Variants in MRPL3 observed in about 807,000 individuals in gnomAD.
The protein encoded by MRPL3 is large ribosomal subunit protein uL3m.
In MRPL3, 43 loss-of-function variants were observed where a neutral mutation model predicts 44.3. That is an observed-to-expected ratio of 0.97 (90% CI 0.76 to 1.25). MRPL3 has a LOEUF of 1.25. Ranked by LOEUF, MRPL3 falls within the 50% of genes most tolerant of loss-of-function variation. MRPL3 has a pLI of 0.00. For synonymous variants in MRPL3, 171 were observed against 152.3 expected (o/e 1.12, Z -0.91); for missense variants, 406 against 427.6 (o/e 0.95, Z 0.45).
At chr3:131,488,028 T>A (rs983786873) in intron 5 of MRPL3, among the ~76,000 whole-genome samples, 5 of 152,220 alleles carry the variant, frequency 3.3e-5, no homozygotes, top group Non-Finnish European at 7.4e-5. Flanking sequence ...TTTTAGTGAA[T>A]AACAGTATAC....
Position 131,462,962 on chromosome 3 carries a change from C to T in MRPL3, c.895-87G>A, listed in dbSNP as rs372814527. ...TATTATTCATAATCAAAGAAATACT[C>T]GCTACTACATTTTCTAATGTGAATA... On this transcript the variant is annotated intron_variant, in intron 9 of 9. Transcript: ENST00000264995. 15 of 1,112,960 alleles carry T rather than the reference C, an allele frequency of 1.3e-5. No homozygotes were observed. The African/African-American group carries it at 1.6e-4, about 12-fold the overall frequency. 68.9% of individuals were successfully genotyped at this position (1,112,960 alleles called of 1,614,324 possible). A position where few individuals can be genotyped will look rare whatever the true frequency, so the allele number is the denominator to read the frequency against.
chr3:131,487,517 C>T (rs1005687216), intron 6 of MRPL3, 163 bp downstream of exon 6: 5 of 610,854 alleles, frequency 8.2e-6, no homozygotes, highest in Non-Finnish European at 1.4e-5. Flanking sequence ...TAATTTGGCA[C>T]AATTTAAAAA....
At chr3:131,498,029 T>C in intron 4 of MRPL3, 150 bp downstream of exon 4, 1 of 651,486 alleles carries the variant, frequency 1.5e-6, no homozygotes, top group Non-Finnish European at 2.7e-6. Context: ...CTGGGCAAAA[T>C]GGCTGTGCCA....
chr3:131,487,503 C>T (rs976374372), intron 6 of MRPL3, 177 bp downstream of exon 6: 2 of 583,684 alleles, frequency 3.4e-6, no homozygotes, highest in Non-Finnish European at 6.0e-6. Flanking sequence ...CCTTTACATA[C>T]AATTAATTTG....
At chr3:131,491,531 TCC>T (rs1213439065) in intron 4 of MRPL3, among the ~76,000 whole-genome samples, 1 of 152,094 alleles carries the variant, frequency 6.6e-6, no homozygotes, top group African/African-American at 2.4e-5. Context: ...TGAACTCAAC[TCC>T]CTTCACCAAG....
intron 6 of MRPL3, among the ~76,000 whole-genome samples, chr3:131,476,041 T>C (rs1288453761): frequency 1.3e-5 from 2 of 152,196 alleles, no homozygotes; most frequent in Admixed American, 6.5e-5. Context: ...AAAGAGAGCA[T>C]GAGTGCATGC....
chr3:131,502,809 T>G lies in MRPL3; in HGVS notation c.13A>C (p.Arg5=). The G allele has an allele frequency of 6.2e-7, 1 of 1,612,234 alleles. No individual in the cohort carries two copies. Among genetic ancestry groups the G allele is most frequent in the Non-Finnish European group, 8.5e-7 (1 of 1,179,400 alleles). MPGW[R]LLTQVGAQVL... is the part of the protein sequence containing the mutation. ...TGGGCGCCGACCTGCGTCAGCAGCC[T>G]CCAACCCGGCATGGATTAGCCCGGG... Residue 5 remains arginine, a synonymous_variant, in exon 1 of 10, where the codon AGG becomes CGG. Transcript: ENST00000264995.
At chr3:131,497,393 G>C (rs920715491) in intron 4 of MRPL3, among the ~76,000 whole-genome samples, 1 of 152,154 alleles carries the variant, frequency 6.6e-6, no homozygotes, top group Admixed American at 6.5e-5. Context: ...TAGTTAGTAG[G>C]ATAAACACCT....
intron 5 of MRPL3, among the ~76,000 whole-genome samples, chr3:131,489,006 TTTGAGCTACA>T (rs577164055): frequency 3.7e-4 from 57 of 152,178 alleles, no homozygotes; most frequent in African/African-American, 1.3e-3. Flanking sequence ...TTTTGTATGA[TTTGAGCTACA>T]GCAAAAGTTA....
At chr3:131,496,338 G>A (rs1934370520) in intron 4 of MRPL3, among the ~76,000 whole-genome samples, 1 of 152,062 alleles carries the variant, frequency 6.6e-6, no homozygotes, top group Non-Finnish European at 1.5e-5. Flanking sequence ...ACCCAAATTT[G>A]TTAGTCAATA....
intron 5 of MRPL3, among the ~76,000 whole-genome samples, chr3:131,488,453 G>A (rs532246846): frequency 3.9e-5 from 6 of 152,108 alleles, no homozygotes; most frequent in Admixed American, 1.3e-4. Flanking sequence ...TCATAATATT[G>A]TTTACATAAA....
In MRPL3 at chr3:131,484,566, G is replaced by A. The variant is rs180974286; in HGVS notation, c.629+3114C>T. On this transcript the variant is annotated intron_variant, in intron 6 of 9. Transcript: ENST00000264995. Reference sequence around the variant, plus strand: ...CAAAATGCATTAAGGAAAGTAGAGAGAGGAGTTTAAAAAAGAAAAAAAAAG... The same window carrying A: ...CAAAATGCATTAAGGAAAGTAGAGAAAGGAGTTTAAAAAAGAAAAAAAAAG... 1.5e-3 allele frequency among the ~76,000 whole-genome samples: 232 copies of A among 152,178 alleles called. 1 individual carries two copies. The highest frequency in any genetic ancestry group is 5.2e-3 in the African/African-American group (215 of 41,524).
At chr3:131,496,204 C>A (rs547376475) in intron 4 of MRPL3, among the ~76,000 whole-genome samples, 1 of 152,234 alleles carries the variant, frequency 6.6e-6, no homozygotes, top group African/African-American at 2.4e-5. Context: ...ATCTATCAAA[C>A]CAAAGAATTA....
chr3:131,500,849 T>C (rs1934482118), intron 2 of MRPL3, among the ~76,000 whole-genome samples: 1 of 152,242 alleles, frequency 6.6e-6, no homozygotes, highest in Non-Finnish European at 1.5e-5. Context: ...TATCAATTCT[T>C]ACCCAACTTT....
intron 6 of MRPL3, among the ~76,000 whole-genome samples, chr3:131,476,421 T>C (rs1378964137): frequency 6.6e-6 from 1 of 152,138 alleles, no homozygotes; most frequent in Non-Finnish European, 1.5e-5. Flanking sequence ...CTATACTTAG[T>C]ATAGCCAGAC....
At chr3:131,481,879 A>G (rs1396125305) in intron 6 of MRPL3, among the ~76,000 whole-genome samples, 2 of 152,248 alleles carry the variant, frequency 1.3e-5, no homozygotes, top group African/African-American at 4.8e-5. Context: ...CTGAAAATGT[A>G]CAGGACAGCA....
At chr3:131,462,912 G>A in intron 9 of MRPL3, 37 bp from the exon 10 acceptor site, 1 of 1,566,248 alleles carries the variant, frequency 6.4e-7, no homozygotes, top group Non-Finnish European at 8.7e-7. Context: ...AACCAATTAA[G>A]TTCTTTAAAG....
chr3:131,486,361 C>T (rs1347795777), intron 6 of MRPL3, among the ~76,000 whole-genome samples: 5 of 68,320 alleles, frequency 7.3e-5, no homozygotes, highest in Non-Finnish European at 1.0e-4. Flanking sequence ...AGCTTCTGCA[C>T]GGCAAAAAAA....
intron 4 of MRPL3, chr3:131,497,851 C>A: frequency 4.4e-6 from 1 of 229,048 alleles, no homozygotes; most frequent in Non-Finnish European, 8.4e-6. Flanking sequence ...TGTTATATTC[C>A]AAGCACATCT....
Sources: gnomAD v4.1 joint callset for allele counts (sites outside exome capture counted in the v4.1 genomes callset) on GRCh38, gnomAD v4.1.1 for gene constraint, MANE v1.5 for transcripts, NCBI Gene and HGNC (gene_info 2026-07-23, HGNC 2026-07-21) for gene names.